The following BRCC3 variants were observed in gnomAD, a reference collection of about 807,000 sequenced individuals.
BRCC3 encodes the protein lys-63-specific deubiquitinase BRCC36.
Under a neutral mutation model 28.0 loss-of-function variants are expected in BRCC3, and 15 were observed. The observed-to-expected ratio is 0.54, with a 90% CI of 0.36 to 0.82. The LOEUF is 0.82. Among genes scored for constraint, BRCC3 ranks in the 40% least tolerant of loss-of-function variants. The probability of loss-of-function intolerance (pLI) is 0.01; values close to 1 mark genes in which losing one functional copy is unlikely to be tolerated. For synonymous variants in BRCC3, 66 were observed against 80.3 expected, an observed-to-expected ratio of 0.82 and a Z score of 0.95; for missense variants, 109 against 225.9, an observed-to-expected ratio of 0.48 and a Z score of 3.32.
Position 155,072,297 on chromosome X carries a change from A to G in BRCC3, c.124-30A>G. The G allele has an allele frequency of 3.4e-6, 4 of 1,181,570 alleles. No homozygotes were observed. The South Asian group carries it at 7.2e-5, about 21-fold the overall frequency. On this transcript the variant is annotated intron_variant, in intron 1 of 10. Coordinates refer to ENST00000330045, the MANE Select transcript of BRCC3 (RefSeq NM_001018055.3). Reference sequence around the variant, plus strand: ...TATGTCAAACAAACGTAATGTGATCAATAATGTTTTTTGCTTTTTCCCACT... The same window carrying G: ...TATGTCAAACAAACGTAATGTGATCGATAATGTTTTTTGCTTTTTCCCACT...
chrX:155,091,428 C>T (rs1434095610), intron 7 of BRCC3, among the ~76,000 whole-genome samples: 2 of 110,333 alleles, frequency 1.8e-5, no homozygotes, highest in Non-Finnish European at 3.8e-5. Flanking sequence ...TGTACCACCA[C>T]GCGCAGCTAA....
intron 5 of BRCC3, among the ~76,000 whole-genome samples, chrX:155,083,562 G>C (rs2074098756): frequency 9.0e-6 from 1 of 111,653 alleles, no homozygotes; most frequent in Non-Finnish European, 1.9e-5. Context: ...CACTATACTG[G>C]ATTCTTCCCA....
chrX:155,073,566 A>G, intron 3 of BRCC3, 135 bp downstream of exon 3: 2 of 757,426 alleles, frequency 2.6e-6, no homozygotes, highest in Non-Finnish European at 3.8e-6. Context: ...TGAAGAATCT[A>G]CTCACTAGGA....
At chrX:155,116,993 G>T (rs1200827214) in intron 9 of BRCC3, among the ~76,000 whole-genome samples, 1 of 111,976 alleles carries the variant, frequency 8.9e-6, no homozygotes, top group African/African-American at 3.2e-5. Flanking sequence ...AGAGCTTTAT[G>T]ATAGACCTAC....
chrX:155,114,303 C>T (rs1337941760), intron 7 of BRCC3, among the ~76,000 whole-genome samples: 1 of 111,032 alleles, frequency 9.0e-6, no homozygotes, highest in Non-Finnish European at 1.9e-5. Flanking sequence ...CTGTTACAAC[C>T]TACAGCATGA....
chrX:155,105,455 C>G (rs1557297398), intron 7 of BRCC3, among the ~76,000 whole-genome samples: 2 of 111,533 alleles, frequency 1.8e-5, no homozygotes, highest in East Asian at 5.6e-4. Flanking sequence ...TGCCCTCCAG[C>G]CTGGGCGACA....
intron 5 of BRCC3, among the ~76,000 whole-genome samples, chrX:155,080,286 G>A (rs906432380): frequency 2.7e-4 from 30 of 111,271 alleles, no homozygotes; most frequent in African/African-American, 9.5e-4. Context: ...AATTCCCTAC[G>A]AATTTAAGGA....
intron 3 of BRCC3, among the ~76,000 whole-genome samples, chrX:155,075,261 C>CAG (rs2074023183): frequency 1.9e-5 from 1 of 52,928 alleles, no homozygotes; most frequent in Non-Finnish European, 2.9e-5. Flanking sequence ...CTTGTCCCTT[C>CAG]AACATCTGAT....
Position 155,077,170 on chromosome X carries a change from GT to G in BRCC3, c.198del (p.Asp67MetfsTer24). ...GTEMRTVAEK[V>X]DAVRIVHIHS... is the part of the protein sequence containing the mutation. ...ACCATTTCTGTGGATTTTCCTTTAGGTTGATGCCGTCAGAATTGTTCACATT... is the reference window on the plus strand; with the variant it reads ...ACCATTTCTGTGGATTTTCCTTTAGGTGATGCCGTCAGAATTGTTCACATT... On this transcript the variant is annotated frameshift_variant and splice_region_variant, in exon 4 of 11. Transcript: ENST00000330045. LOFTEE classifies it high-confidence loss of function. 8.5e-7 allele frequency: 1 copy of G among 1,176,925 alleles called. No homozygotes were observed. The highest frequency in any genetic ancestry group is 1.8e-5 in the African/African-American group (1 of 56,768).
intron 7 of BRCC3, among the ~76,000 whole-genome samples, chrX:155,095,580 C>T (rs1366543159): frequency 2.7e-5 from 3 of 111,929 alleles, no homozygotes; most frequent in Non-Finnish European, 3.8e-5. Context: ...GGATTATAGG[C>T]ATGAGCCACC....
At chrX:155,099,466 C>A (rs1239744615) in intron 7 of BRCC3, 2 of 1,150,735 alleles carry the variant, frequency 1.7e-6, no homozygotes, top group Non-Finnish European at 2.3e-6. Context: ...TCCCAGAAAA[C>A]AATTCCACTT....
rs1226593221 is a variant in BRCC3 at position 155,073,395 on chromosome X, A to G, written c.159A>G (p.Ala53=). The change falls in exon 3 of 11, where the codon GCA becomes GCG. Residue 53 remains alanine, a synonymous_variant. Transcript: ENST00000330045. ...CCAGTAGGAGTGACTCCAAATTTGC[A>G]TATACTGGAACTGAAATGCGCACAG... The part of the protein sequence containing the change: ...NDDTRSDSKF[A]YTGTEMRTVA... 8.6e-7 allele frequency: 1 copy of G among 1,165,427 alleles called. No individual in the cohort carries two copies. The highest frequency in any genetic ancestry group is 1.8e-5 in the African/African-American group (1 of 55,186).
intron 7 of BRCC3, among the ~76,000 whole-genome samples, chrX:155,114,361 G>T (rs1053736415): frequency 2.7e-5 from 3 of 111,044 alleles, no homozygotes; most frequent in African/African-American, 9.8e-5. Context: ...ATTCACAAAA[G>T]GACAGATGCA....
At chrX:155,077,804 C>T (rs1440260301) in intron 4 of BRCC3, among the ~76,000 whole-genome samples, 1 of 111,779 alleles carries the variant, frequency 8.9e-6, no homozygotes, top group Non-Finnish European at 1.9e-5. Context: ...GTGTCCTGGC[C>T]GGCGCCTCGT....
intron 6 of BRCC3, 39 bp downstream of exon 6, chrX:155,089,390 TAGG>T: frequency 2.4e-6 from 2 of 846,467 alleles, no homozygotes; most frequent in Non-Finnish European, 3.4e-6. Flanking sequence ...TGTGTGTGTG[TAGG>T]GTCTGTGTGT....
intron 7 of BRCC3, among the ~76,000 whole-genome samples, chrX:155,111,778 C>G (rs1225381989): frequency 1.8e-5 from 2 of 111,719 alleles, no homozygotes. Flanking sequence ...AAATTAAAAA[C>G]TTTTGTGCAT....
intron 7 of BRCC3, among the ~76,000 whole-genome samples, chrX:155,107,870 T>G (rs1367117279): frequency 9.0e-6 from 1 of 111,407 alleles, no homozygotes; most frequent in African/African-American, 3.3e-5. Flanking sequence ...CTCTAGAGCT[T>G]CTTTGTCATA....
At chrX:155,075,258 CTT>C (rs2074023109) in intron 3 of BRCC3, among the ~76,000 whole-genome samples, 1 of 52,995 alleles carries the variant, frequency 1.9e-5, no homozygotes, top group Non-Finnish European at 2.9e-5. Context: ...ACCCTTGTCC[CTT>C]CAACATCTGA....
chrX:155,112,581 G>T (rs1557298256), intron 7 of BRCC3, among the ~76,000 whole-genome samples: 2 of 112,732 alleles, frequency 1.8e-5, no homozygotes, highest in African/African-American at 6.4e-5. Context: ...AATAGGTAAA[G>T]AATTCTTACA....
Sources: gnomAD v4.1 joint callset for allele counts (sites outside exome capture counted in the v4.1 genomes callset) on GRCh38, gnomAD v4.1.1 for gene constraint, MANE v1.5 for transcripts, NCBI Gene and HGNC (gene_info 2026-07-23, HGNC 2026-07-21) for gene names.